YWHAE: variants seen among roughly 807,000 people sequenced by gnomAD.
The protein encoded by YWHAE is tyrosine 3-monooxygenase/tryptophan 5-monooxygenase activation protein epsilon.
YWHAE carries 4 observed loss-of-function variants against 30.1 expected under a neutral mutation model. The ratio of observed to expected loss-of-function variants is 0.13; its 90% CI spans 0.07 to 0.30. The LOEUF (loss-of-function observed/expected upper bound fraction) is 0.30. Among genes scored for constraint, YWHAE ranks in the 10% least tolerant of loss-of-function variants. The probability of loss-of-function intolerance (pLI) is 1.00; values close to 1 mark genes in which losing one functional copy is unlikely to be tolerated. For synonymous variants in YWHAE, 118 were observed against 111.8 expected (o/e 1.06, Z -0.35); for missense variants, 121 against 315.9 (o/e 0.38, Z 4.68).
At chr17:1,360,842 C>T (rs1758911903) in intron 4 of YWHAE, among the ~76,000 whole-genome samples, 1 of 152,110 alleles carries the variant, frequency 6.6e-6, no homozygotes, top group Non-Finnish European at 1.5e-5. Flanking sequence ...TTCCTCTACT[C>T]ATTTTAACAT....
At chr17:1,364,809 CA>C (rs1323965295) in intron 2 of YWHAE, 49 bp downstream of exon 2, 1 of 1,607,604 alleles carries the variant, frequency 6.2e-7, no homozygotes, top group East Asian at 2.2e-5. Flanking sequence ...TACCGTCCTA[CA>C]GGTAACTCAA....
intron 1 of YWHAE, among the ~76,000 whole-genome samples, chr17:1,392,811 C>T (rs1294551578): frequency 6.6e-6 from 1 of 151,638 alleles, no homozygotes; most frequent in Non-Finnish European, 1.5e-5. Context: ...GATCACGCCA[C>T]TGCACTCCAG....
chr17:1,389,849 C>T (rs1381911072), intron 1 of YWHAE, among the ~76,000 whole-genome samples: 2 of 146,946 alleles, frequency 1.4e-5, no homozygotes, highest in Non-Finnish European at 3.0e-5. Flanking sequence ...CATTTTCTTT[C>T]TTTCTTTTTT....
Position 1,400,153 on chromosome 17 carries a change from G to GGATA in YWHAE, c.-47_-44dup. On this transcript the variant is annotated 5_prime_UTR_variant, in exon 1 of 6. Coordinates refer to ENST00000264335, the MANE Select transcript of YWHAE (RefSeq NM_006761.5). ...CAGGGTCTGCGCGACGGATGGAAGC[G>GGATA]GATAGTGTCTCCGACTCTCTCAGCC... 6.2e-7 allele frequency: 1 copy of GGATA among 1,610,376 alleles called. No homozygotes were observed. Among genetic ancestry groups the GGATA allele is most frequent in the Non-Finnish European group, 8.5e-7 (1 of 1,176,782 alleles).
chr17:1,346,312 G>C (rs1269266984), intron 5 of YWHAE, among the ~76,000 whole-genome samples: 2 of 152,124 alleles, frequency 1.3e-5, no homozygotes, highest in African/African-American at 4.8e-5. Flanking sequence ...TAAAAATGAT[G>C]TAACAGGTAA....
At chr17:1,347,840 G>A in intron 5 of YWHAE, 5 of 497,284 alleles carry the variant, frequency 1.0e-5, no homozygotes, top group Non-Finnish European at 1.3e-5. Flanking sequence ...AAAAGGCTTA[G>A]GTCAGCGCCC....
chr17:1,399,887 C>T, intron 1 of YWHAE, 160 bp downstream of exon 1: 1 of 824,400 alleles, frequency 1.2e-6, no homozygotes, highest in Non-Finnish European at 2.0e-6. Flanking sequence ...ATAGAGCCTC[C>T]CATCGCCCCG....
At position 1,400,173 on chromosome 17, in the gene YWHAE, T is replaced by G; in HGVS notation, c.-63A>C. Reference sequence around the variant, plus strand: ...GAAGCGGATAGTGTCTCCGACTCTCTCAGCCTCTCGCTCCGCGTCCGGGCA... The same window carrying G: ...GAAGCGGATAGTGTCTCCGACTCTCGCAGCCTCTCGCTCCGCGTCCGGGCA... On this transcript the variant is annotated 5_prime_UTR_variant, in exon 1 of 6. Transcript: ENST00000264335. 1.3e-6 allele frequency: 2 copies of G among 1,594,468 alleles called. No homozygotes were observed. Among genetic ancestry groups the G allele is most frequent in the East Asian group, 4.5e-5 (2 of 44,754 alleles).
intron 1 of YWHAE, among the ~76,000 whole-genome samples, chr17:1,374,614 T>C (rs1206341966): frequency 6.6e-6 from 1 of 152,194 alleles, no homozygotes. Context: ...TTCTTTAAAC[T>C]AGTCATCCTA....
intron 1 of YWHAE, among the ~76,000 whole-genome samples, chr17:1,367,982 G>A (rs1242532201): frequency 1.3e-5 from 2 of 152,136 alleles, no homozygotes; most frequent in African/African-American, 4.8e-5. Flanking sequence ...TGGGTGCTGT[G>A]GCTCACACCT....
At chr17:1,381,210 T>A (rs2073200759) in intron 1 of YWHAE, among the ~76,000 whole-genome samples, 1 of 152,032 alleles carries the variant, frequency 6.6e-6, no homozygotes, top group Admixed American at 6.6e-5. Flanking sequence ...AAACCCCACC[T>A]CCACTAAAAA....
intron 5 of YWHAE, among the ~76,000 whole-genome samples, chr17:1,353,368 A>G (rs925224174): frequency 1.3e-5 from 2 of 148,708 alleles, no homozygotes; most frequent in Non-Finnish European, 3.0e-5. Context: ...AACCCAGGAG[A>G]CGGAGCTTGC....
intron 1 of YWHAE, among the ~76,000 whole-genome samples, chr17:1,372,054 G>C (rs911289589): frequency 6.6e-6 from 1 of 151,968 alleles, no homozygotes; most frequent in African/African-American, 2.4e-5. Flanking sequence ...TGGCCAGGCT[G>C]GTCTCAAACT....
At chr17:1,350,633 G>A (rs1206405278) in intron 5 of YWHAE, among the ~76,000 whole-genome samples, 1 of 151,084 alleles carries the variant, frequency 6.6e-6, no homozygotes, top group Non-Finnish European at 1.5e-5. Flanking sequence ...GTAGAGACGG[G>A]GTTTCTCCAT....
chr17:1,366,664 C>A (rs530251444), intron 1 of YWHAE, among the ~76,000 whole-genome samples: 1 of 152,008 alleles, frequency 6.6e-6, no homozygotes, highest in East Asian at 1.9e-4. Flanking sequence ...CTAAATTGGA[C>A]GGGCACGGTG....
intron 1 of YWHAE, among the ~76,000 whole-genome samples, chr17:1,375,768 A>AT (rs1436024012): frequency 1.3e-5 from 2 of 152,228 alleles, no homozygotes; most frequent in Admixed American, 1.3e-4. Context: ...GACACCCATC[A>AT]TCTGCTGCTG....
At chr17:1,399,975 C>T in intron 1 of YWHAE, 72 bp downstream of exon 1, 3 of 1,587,832 alleles carry the variant, frequency 1.9e-6, no homozygotes, top group Non-Finnish European at 1.7e-6. Context: ...CATTTTGTCT[C>T]CTGTTCCCGG....
chr17:1,382,817 G>A (rs1340293659), intron 1 of YWHAE, among the ~76,000 whole-genome samples: 1 of 152,106 alleles, frequency 6.6e-6, no homozygotes. Context: ...TTGAGGTCAG[G>A]AGATCGAGAC....
At position 1,352,421 on chromosome 17, in the gene YWHAE, A is replaced by G. The variant is rs189520261; in HGVS notation, c.715+1790T>C. 1.2e-4 allele frequency among the ~76,000 whole-genome samples: 19 copies of G among 152,356 alleles called. No homozygotes were observed. In the East Asian group the frequency reaches 2.7e-3, roughly 22 times the overall value. On this transcript the variant is annotated intron_variant, in intron 5 of 5. Transcript: ENST00000264335. ...ACTTTCAGAAGCATTTTCAAAAAGTATAACACTTCCAAAGACAATACAGCA... is the reference window on the plus strand; with the variant it reads ...ACTTTCAGAAGCATTTTCAAAAAGTGTAACACTTCCAAAGACAATACAGCA...
Sources: gnomAD v4.1 joint callset for allele counts (sites outside exome capture counted in the v4.1 genomes callset) on GRCh38, gnomAD v4.1.1 for gene constraint, MANE v1.5 for transcripts, NCBI Gene and HGNC (gene_info 2026-07-23, HGNC 2026-07-21) for gene names.